The following OLA1 variants were observed in gnomAD, a reference collection of about 807,000 sequenced individuals.
OLA1 encodes Obg like ATPase 1, also known as obg-like ATPase 1.
In OLA1, 14 loss-of-function variants were observed where a neutral mutation model predicts 48.4. The ratio of observed to expected loss-of-function variants is 0.29; its 90% CI spans 0.19 to 0.45. The LOEUF (loss-of-function observed/expected upper bound fraction) is 0.45. OLA1 is among the 20% of genes least tolerant of loss of function. The pLI is 1.00. For missense variants in OLA1, 325 were observed against 467.1 expected (o/e 0.70, Z 2.80); for synonymous variants, 127 against 150.4 (o/e 0.84, Z 1.14).
intron 7 of OLA1, among the ~76,000 whole-genome samples, chr2:174,113,858 C>T (rs1280796759): frequency 6.6e-6 from 1 of 152,078 alleles, no homozygotes; most frequent in East Asian, 1.9e-4. Flanking sequence ...AGAACTTGGG[C>T]ATGTTTTATA....
chr2:174,117,744 C>T (rs531941814), intron 7 of OLA1, among the ~76,000 whole-genome samples: 1 of 152,290 alleles, frequency 6.6e-6, no homozygotes, highest in South Asian at 2.1e-4. Context: ...CTCCACCCTT[C>T]TCCCAGGAAA....
At chr2:174,143,053 C>A (rs1686496826) in intron 4 of OLA1, among the ~76,000 whole-genome samples, 1 of 151,940 alleles carries the variant, frequency 6.6e-6, no homozygotes, top group African/African-American at 2.4e-5. Context: ...TTCTTAAATA[C>A]CAAAAACCAA....
chr2:174,174,971 A>G (rs1320771972), intron 4 of OLA1, among the ~76,000 whole-genome samples: 2 of 151,994 alleles, frequency 1.3e-5, no homozygotes, highest in African/African-American at 2.4e-5. Context: ...TTGACCTCCT[A>G]AACAGTTATT....
intron 5 of OLA1, among the ~76,000 whole-genome samples, chr2:174,124,712 T>C (rs1281467357): frequency 1.3e-5 from 2 of 152,240 alleles, no homozygotes; most frequent in Non-Finnish European, 2.9e-5. Context: ...CAAAATTTAT[T>C]GTAACACAAT....
chr2:174,114,315 C>T (rs1339805962), intron 7 of OLA1, among the ~76,000 whole-genome samples: 2 of 124,034 alleles, frequency 1.6e-5, no homozygotes, highest in Non-Finnish European at 3.1e-5. Flanking sequence ...GCACTCCAGC[C>T]TGGGCGACAG....
chr2:174,188,109 A>C (rs1687694264), intron 4 of OLA1, among the ~76,000 whole-genome samples: 1 of 152,214 alleles, frequency 6.6e-6, no homozygotes, highest in Admixed American at 6.5e-5. Context: ...GAGGACATTA[A>C]TTCTGCAGAA....
At chr2:174,133,159 G>A (rs549247820) in intron 5 of OLA1, among the ~76,000 whole-genome samples, 68 of 152,248 alleles carry the variant, frequency 4.5e-4, no homozygotes, top group Non-Finnish European at 7.5e-4. Flanking sequence ...GGCTTGCACA[G>A]TGTATATTTC....
chr2:174,140,493 C>T (rs1686419896), intron 5 of OLA1, among the ~76,000 whole-genome samples: 1 of 151,578 alleles, frequency 6.6e-6, no homozygotes, highest in Non-Finnish European at 1.5e-5. Context: ...TCAGCCTCCT[C>T]AGTAGGTGAG....
intron 1 of OLA1, chr2:174,247,379 T>C: frequency 1.1e-5 from 3 of 285,236 alleles, no homozygotes; most frequent in Non-Finnish European, 2.0e-5. Flanking sequence ...CTTAAATAAA[T>C]AAATAAATAA....
At chr2:174,153,230 T>C (rs10192850) in intron 4 of OLA1, among the ~76,000 whole-genome samples, 2 of 152,058 alleles carry the variant, frequency 1.3e-5, no homozygotes, top group African/African-American at 4.8e-5. Flanking sequence ...TTCCAAACCT[T>C]GAGATAAACA....
intron 4 of OLA1, among the ~76,000 whole-genome samples, chr2:174,194,884 A>G (rs1384183256): frequency 1.3e-5 from 2 of 152,190 alleles, no homozygotes; most frequent in African/African-American, 4.8e-5. Flanking sequence ...ATCCTCTGGT[A>G]TTCTACAATG....
chr2:174,092,490 C>T (rs968947464), intron 7 of OLA1, among the ~76,000 whole-genome samples: 9 of 151,340 alleles, frequency 5.9e-5, no homozygotes, highest in Admixed American at 4.6e-4. Context: ...CATGGTGAAA[C>T]CCCGTCTCTA....
chr2:174,224,116 T>C (rs1688564588), intron 3 of OLA1, among the ~76,000 whole-genome samples: 1 of 152,154 alleles, frequency 6.6e-6, no homozygotes, highest in African/African-American at 2.4e-5. Context: ...ACAAAAGACT[T>C]CCCTATTATT....
intron 9 of OLA1, 27 bp downstream of exon 9, chr2:174,081,125 T>C (rs748904671): frequency 2.6e-6 from 4 of 1,564,834 alleles, no homozygotes; most frequent in Non-Finnish European, 2.6e-6. Context: ...GAACTGGATA[T>C]AGCTGATGAA....
In OLA1 at chr2:174,207,878, C is replaced by T. The variant is rs147614302; in HGVS notation, c.373+15155G>A. On this transcript the variant is annotated intron_variant, in intron 4 of 10. Coordinates refer to ENST00000284719, the MANE Select transcript of OLA1 (RefSeq NM_013341.5). ...TCTTGAACAACACAGGTTTGAACTGCACAGATTCACTTAAACACAGACCTT... is the reference window on the plus strand; with the variant it reads ...TCTTGAACAACACAGGTTTGAACTGTACAGATTCACTTAAACACAGACCTT... Among the ~76,000 whole-genome samples, 506 of 152,234 alleles carry T rather than the reference C, an allele frequency of 3.3e-3. 3 individuals carry two copies. The highest frequency in any genetic ancestry group is 0.011 in the African/African-American group (475 of 41,544).
chr2:174,106,737 T>A (rs1339139650), intron 7 of OLA1, among the ~76,000 whole-genome samples: 1 of 152,172 alleles, frequency 6.6e-6, no homozygotes, highest in Admixed American at 6.6e-5. Context: ...ACAGGATTAT[T>A]GTTAAGCTAT....
intron 7 of OLA1, among the ~76,000 whole-genome samples, chr2:174,091,614 G>A (rs764548528): frequency 1.2e-4 from 18 of 151,848 alleles, no homozygotes; most frequent in Non-Finnish European, 1.9e-4. Flanking sequence ...AGCTGGGTAC[G>A]GTGGCTCATG....
intron 4 of OLA1, among the ~76,000 whole-genome samples, chr2:174,194,851 AT>A (rs1037595347): frequency 2.6e-5 from 4 of 152,116 alleles, no homozygotes; most frequent in African/African-American, 9.7e-5. Flanking sequence ...ACATACATAC[AT>A]TTACCACAAC....
chr2:174,154,385 C>T (rs978820293), intron 4 of OLA1, among the ~76,000 whole-genome samples: 2 of 152,176 alleles, frequency 1.3e-5, no homozygotes, highest in African/African-American at 4.8e-5. Context: ...AAATCCTCAG[C>T]TCAAGCCAAA....
Sources: allele counts gnomAD v4.1 joint callset (sites outside exome capture counted in the v4.1 genomes callset), GRCh38; gene constraint gnomAD v4.1.1; transcripts MANE v1.5; gene names NCBI Gene and HGNC (gene_info 2026-07-23, HGNC 2026-07-21).